HPSE: variants seen among roughly 807,000 people sequenced by gnomAD.
The protein encoded by HPSE is endo-glucoronidase.
HPSE carries 48 observed loss-of-function variants against 65.1 expected under a neutral mutation model. The observed-to-expected ratio is 0.74, with a 90% CI of 0.58 to 0.94. HPSE has a LOEUF of 0.94. HPSE is among the 40% of genes least tolerant of loss of function. HPSE has a pLI of 0.00. For missense variants in HPSE, 644 were observed against 637.5 expected (o/e 1.01, Z -0.11); for synonymous variants, 243 against 260.0 (o/e 0.93, Z 0.63).
intron 1 of HPSE, among the ~76,000 whole-genome samples, chr4:83,333,403 A>G (rs1321098754): frequency 6.6e-6 from 1 of 152,320 alleles, no homozygotes; most frequent in East Asian, 1.9e-4. Flanking sequence ...TGGTCTGTCC[A>G]TCTCTTAACC....
At chr4:83,316,500 C>A (rs145957747) in intron 3 of HPSE, among the ~76,000 whole-genome samples, 1 of 152,104 alleles carries the variant, frequency 6.6e-6, no homozygotes, top group Non-Finnish European at 1.5e-5. Flanking sequence ...ATGAAGATAA[C>A]CAAGATGACA....
intron 1 of HPSE, among the ~76,000 whole-genome samples, chr4:83,328,183 T>C (rs1230587639): frequency 2.6e-5 from 4 of 152,186 alleles, no homozygotes; most frequent in Admixed American, 1.3e-4. Context: ...ACAACAGAAA[T>C]GTATTGTCTT....
intron 2 of HPSE, 148 bp downstream of exon 2, chr4:83,322,071 C>T: frequency 2.3e-6 from 1 of 429,236 alleles, no homozygotes; most frequent in Non-Finnish European, 3.9e-6. Context: ...GCCTCCTCCT[C>T]TTGTTCAGAT....
chr4:83,300,810 G>A (rs1735913454), intron 11 of HPSE, 150 bp downstream of exon 11: 1 of 6,576 alleles, frequency 1.5e-4, no homozygotes, highest in African/African-American at 2.6e-4. Flanking sequence ...GCGAGACTCC[G>A]TCTCAAAAAA....
At chr4:83,313,018 T>C in intron 4 of HPSE, 96 bp downstream of exon 4, 3 of 837,230 alleles carry the variant, frequency 3.6e-6, no homozygotes, top group Admixed American at 3.3e-5. Context: ...CGAGACTCTG[T>C]CTCAAAAAAA....
At chr4:83,322,123 T>C in intron 2 of HPSE, 96 bp downstream of exon 2, 1 of 1,012,432 alleles carries the variant, frequency 9.9e-7, no homozygotes, top group Admixed American at 2.2e-5. Context: ...TTAATCTCAT[T>C]AATTGTTAGG....
rs1276869972 is a variant in HPSE at position 83,302,164 on chromosome 4, G to A, written c.1311C>T (p.Cys437=). The A allele has an allele frequency of 3.7e-6, 6 of 1,608,722 alleles. No individual in the cohort carries two copies. The African/African-American group carries it at 5.3e-5, about 14-fold the overall frequency. ...KRRKLRVYLH[C]TNTDNPRYKE... ...TTCATACTTACTTGTCAGTGTTTGT[G>A]CAATGAAGGTATACTCGAAGCTTCC... Residue 437 remains cysteine (C), a synonymous_variant, in exon 10 of 12, where the codon TGC becomes TGT. Transcript: ENST00000311412.
intron 4 of HPSE, among the ~76,000 whole-genome samples, chr4:83,312,841 CAA>C (rs1200808673): frequency 1.8e-4 from 2 of 10,990 alleles, no homozygotes; most frequent in African/African-American, 5.1e-4. Flanking sequence ...ACTAAAAATG[CAA>C]AAAAAAAAAA....
At chr4:83,296,550 C>T (rs1036646587) in intron 11 of HPSE, among the ~76,000 whole-genome samples, 6 of 151,908 alleles carry the variant, frequency 3.9e-5, no homozygotes, top group African/African-American at 7.3e-5. Flanking sequence ...TGGTGTGTGC[C>T]TGTAGTCCCA....
upstream of HPSE, chr4:83,334,937 ACTC>A (rs1737561118): frequency 8.5e-7 from 1 of 1,180,124 alleles, no homozygotes; most frequent in Non-Finnish European, 1.1e-6. Context: ...CATCCCTCCC[ACTC>A]CTCTTCTGCA....
At chr4:83,314,598 T>C (rs1442478293) in intron 3 of HPSE, among the ~76,000 whole-genome samples, 1 of 152,234 alleles carries the variant, frequency 6.6e-6, no homozygotes, top group African/African-American at 2.4e-5. Flanking sequence ...AGCTGTTCTA[T>C]TACCACTTTT....
intron 3 of HPSE, among the ~76,000 whole-genome samples, chr4:83,314,543 G>T (rs537819791): frequency 4.6e-5 from 7 of 152,182 alleles, no homozygotes; most frequent in East Asian, 1.9e-4. Context: ...CGATATTAAG[G>T]TGCCATAAGT....
Position 83,300,979 on chromosome 4 carries a change from G to T in HPSE, c.1453C>A (p.Pro485Thr), listed in dbSNP as rs571440031. 7.5e-6 allele frequency: 12 copies of T among 1,597,588 alleles called. No homozygotes were observed. In the South Asian group the frequency reaches 1.4e-4, roughly 18 times the overall value. ...VDKYLLRPLG[P>T]HGLLSKSVQL... The stretch of plus-strand genomic sequence containing the variant: ...ACTTACTTGGAAAGTAATCCATGAG[G>T]TCCCAAAGGTCTTAGAAGGTATTTA... The change falls in exon 11 of 12, where the codon CCT becomes ACT. Residue 485 changes from proline (P) to threonine (T), a missense_variant. Coordinates refer to ENST00000311412, the MANE Select transcript of HPSE (RefSeq NM_001098540.3).
intron 3 of HPSE, among the ~76,000 whole-genome samples, chr4:83,314,352 C>T (rs1315361399): frequency 6.6e-6 from 1 of 151,740 alleles, no homozygotes; most frequent in Non-Finnish European, 1.5e-5. Context: ...CAACTCTAAC[C>T]AGGCAGTGCT....
At chr4:83,318,890 G>T (rs896335732) in intron 3 of HPSE, among the ~76,000 whole-genome samples, 2 of 152,036 alleles carry the variant, frequency 1.3e-5, no homozygotes, top group African/African-American at 2.4e-5. Flanking sequence ...ATGCTGCTTG[G>T]TGGCCAAGAC....
At chr4:83,309,068 A>G (rs368829392) in intron 7 of HPSE, 117 bp from the exon 8 acceptor site, 4 of 710,416 alleles carry the variant, frequency 5.6e-6, no homozygotes, top group East Asian at 5.4e-5. Flanking sequence ...CCCCTCCTAT[A>G]TAGTTATAAA....
At chr4:83,318,425 G>T (rs1736740184) in intron 3 of HPSE, among the ~76,000 whole-genome samples, 1 of 152,078 alleles carries the variant, frequency 6.6e-6, no homozygotes, top group African/African-American at 2.4e-5. Context: ...AGGAGTTCGA[G>T]ACGAGCCTGG....
rs1411035979 is a variant in HPSE, at chr4:83,322,825, GTGTGTGTGTGTGTT to G, written c.228-475_228-462del. On this transcript the variant is annotated intron_variant, in intron 1 of 11. Transcript: ENST00000311412. Reference sequence around the variant, plus strand: ...TGTGTGTGTGTGTGTGTGTGTGTGTGTGTGTGTGTGTGTTTGTGTGTGGAGGGATGGGGTCTTGC... The same window carrying G: ...TGTGTGTGTGTGTGTGTGTGTGTGTGTGTGTGTGGAGGGATGGGGTCTTGC... Among the ~76,000 whole-genome samples, 325 of 147,970 alleles carry G rather than the reference GTGTGTGTGTGTGTT, an allele frequency of 2.2e-3. 1 individual carries two copies. Among genetic ancestry groups the G allele is most frequent in the African/African-American group, 7.6e-3 (302 of 39,674 alleles).
chr4:83,332,891 C>CATCTACT (rs1737442899), intron 1 of HPSE, among the ~76,000 whole-genome samples: 1 of 152,068 alleles, frequency 6.6e-6, no homozygotes, highest in Non-Finnish European at 1.5e-5. Flanking sequence ...AGTAAATGGA[C>CATCTACT]ATCTACTTCA....
Sources: allele counts gnomAD v4.1 joint callset (sites outside exome capture counted in the v4.1 genomes callset), GRCh38; gene constraint gnomAD v4.1.1; transcripts MANE v1.5; gene names NCBI Gene and HGNC (gene_info 2026-07-23, HGNC 2026-07-21).